The following MYG1 variants were observed in gnomAD, a reference collection of about 807,000 sequenced individuals.
The protein encoded by MYG1 is MYG1 exonuclease, also known as UPF0160 protein MYG1, mitochondrial.
A neutral mutation model predicts 43.5 loss-of-function variants in MYG1; 36 were observed. The ratio of observed to expected loss-of-function variants is 0.83; its 90% CI spans 0.63 to 1.09. The LOEUF (loss-of-function observed/expected upper bound fraction) is 1.09. Ranked by LOEUF, MYG1 falls within the 50% of genes least tolerant of loss-of-function variation. The probability of loss-of-function intolerance (pLI) is 0.00; values close to 1 mark genes in which losing one functional copy is unlikely to be tolerated. For synonymous variants in MYG1, 220 were observed against 202.8 expected (o/e 1.08, Z -0.72); for missense variants, 529 against 495.1 (o/e 1.07, Z -0.65).
At position 53,306,785 on chromosome 12, in the gene MYG1, T is replaced by C; in HGVS notation, c.871T>C (p.Phe291Leu). ...GCTGTCCCCTCCAGTGGCCATCTTCTTTGTTATCTACACTGACCAGGCTGG... is the reference window on the plus strand; with the variant it reads ...GCTGTCCCCTCCAGTGGCCATCTTCCTTGTTATCTACACTGACCAGGCTGG... ...SGLSPPVAIF[F>L]VIYTDQAGQW... The change falls in exon 6 of 7, where the codon TTT (phenylalanine) becomes CTT (leucine). Residue 291 changes from phenylalanine to leucine, a missense_variant. Phe to Leu is a conservative substitution (Grantham distance 22). Coordinates refer to ENST00000267103, the MANE Select transcript of MYG1 (RefSeq NM_021640.4). 1 of 1,613,976 alleles carries C rather than the reference T, an allele frequency of 6.2e-7. No homozygotes were observed. The highest frequency in any genetic ancestry group is 1.1e-5 in the South Asian group (1 of 91,054).
At position 53,299,885 on chromosome 12, in the gene MYG1, C is replaced by T. The variant is rs1471181062; in HGVS notation, c.148C>T (p.His50Tyr). The stretch of plus-strand genomic sequence containing the variant: ...CATGGCACCGCCCCGAATCGGGACG[C>T]ACAATGGCACCTTCCACTGCGACGA... ...KLMAPPRIGTHNGTFHCDEAL... is the reference protein window; with the variant it reads ...KLMAPPRIGTYNGTFHCDEAL... The change falls in exon 1 of 7, where the codon CAC (histidine) becomes TAC (tyrosine). Residue 50 changes from histidine (H) to tyrosine (Y), a missense_variant. Transcript: ENST00000267103. The T allele has an allele frequency of 1.9e-6, 3 of 1,614,112 alleles. No homozygotes were observed. Among genetic ancestry groups the T allele is most frequent in the South Asian group, 1.1e-5 (1 of 91,092 alleles).
intron 5 of MYG1, 134 bp downstream of exon 5, chr12:53,306,454 C>G (rs1944282602): frequency 7.5e-7 from 1 of 1,329,676 alleles, no homozygotes; most frequent in Admixed American, 2.2e-5. Context: ...AGCAGTCCTC[C>G]CACCTCAGCC....
In MYG1 at chr12:53,299,939, C is replaced by CTGCCGGAG. The variant is rs1944212027; in HGVS notation, c.204_211dup (p.Tyr71CysfsTer49). 2.5e-6 allele frequency: 4 copies of CTGCCGGAG among 1,614,104 alleles called. No individual in the cohort carries two copies. Among genetic ancestry groups the CTGCCGGAG allele is most frequent in the Non-Finnish European group, 3.4e-6 (4 of 1,180,056 alleles). ...ACTGGCATGCGCACTGCTTCGCCTC[C>CTGCCGGAG]TGCCGGAGTACCGGGTACGGTCCGC... On this transcript the variant is annotated frameshift_variant, in exon 1 of 7. Transcript: ENST00000267103. LOFTEE classifies it high-confidence loss of function.
intron 3 of MYG1, 118 bp downstream of exon 3, chr12:53,303,311 C>A: frequency 9.1e-7 from 1 of 1,095,758 alleles, no homozygotes; most frequent in Non-Finnish European, 1.3e-6. Flanking sequence ...CTATAGCAGG[C>A]CCAACACTCA....
rs575200646 is a variant in MYG1 at position 53,301,523 on chromosome 12, C to T, written c.329+1261C>T. On this transcript the variant is annotated intron_variant, in intron 2 of 6. Transcript: ENST00000267103. ...AGCCACCCTTCAAAAAACAGCTGAC[C>T]GTGGCTTCACCTGTTCCTTTCCAGT... Among the ~76,000 whole-genome samples the T allele has an allele frequency of 4.6e-5, 7 of 152,226 alleles. No homozygotes were observed. In the South Asian group the frequency reaches 6.2e-4, roughly 14 times the overall value.
chr12:53,301,113 T>G (rs1400201501), intron 2 of MYG1, among the ~76,000 whole-genome samples: 1 of 152,056 alleles, frequency 6.6e-6, no homozygotes, highest in Non-Finnish European at 1.5e-5. Context: ...AGAGACGGGT[T>G]TCACCATATT....
rs1944210719 is a variant in MYG1, at chr12:53,299,883, C to T, written c.146C>T (p.Thr49Met). The change falls in exon 1 of 7, where the codon ACG becomes ATG. Residue 49 changes from threonine (T) to methionine (M), a missense_variant. Thr to Met is a moderately conservative substitution (Grantham distance 81). Coordinates refer to ENST00000267103, the MANE Select transcript of MYG1 (RefSeq NM_021640.4). Reference protein sequence around the residue: ...SKLMAPPRIGTHNGTFHCDEA... With the variant: ...SKLMAPPRIGMHNGTFHCDEA... Reference sequence around the variant, plus strand: ...CTCATGGCACCGCCCCGAATCGGGACGCACAATGGCACCTTCCACTGCGAC... The same window carrying T: ...CTCATGGCACCGCCCCGAATCGGGATGCACAATGGCACCTTCCACTGCGAC... 1.2e-6 allele frequency: 2 copies of T among 1,614,090 alleles called. No individual in the cohort carries two copies. The highest frequency in any genetic ancestry group is 2.2e-5 in the South Asian group (2 of 91,090).
intron 2 of MYG1, 43 bp from the exon 3 acceptor site, chr12:53,302,991 G>A: frequency 1.3e-6 from 2 of 1,541,150 alleles, no homozygotes; most frequent in Non-Finnish European, 8.8e-7. Flanking sequence ...GGAGACTCTA[G>A]CCAAGGTCCC....
At chr12:53,302,794 C>G (rs1944241146) in intron 2 of MYG1, among the ~76,000 whole-genome samples, 1 of 152,130 alleles carries the variant, frequency 6.6e-6, no homozygotes, top group South Asian at 2.1e-4. Flanking sequence ...CCTCTGAACC[C>G]TTTCCTCATC....
At chr12:53,300,119 G>T in intron 1 of MYG1, 31 bp from the exon 2 acceptor site, 1 of 1,565,866 alleles carries the variant, frequency 6.4e-7, no homozygotes, top group South Asian at 1.2e-5. Context: ...GGCGACACCC[G>T]GCAGCCCCTT....
At chr12:53,306,107 T>A in intron 4 of MYG1, 47 bp downstream of exon 4, 1 of 1,607,596 alleles carries the variant, frequency 6.2e-7, no homozygotes, top group Admixed American at 1.7e-5. Context: ...GAACCTTGGG[T>A]GGGGGGAAAA....
Position 53,306,245 on chromosome 12 carries a change from G to A in MYG1, c.690G>A (p.Gln230=). ...ATCTGGTTCAAGAGGAGTTTCTGCA[G>A]AGATTAGATTTCTACCAACACAGCT... The part of the protein sequence containing the change: ...AMDLVQEEFL[Q]RLDFYQHSWL... Residue 230 remains glutamine, a synonymous_variant, in exon 5 of 7, where the codon CAG becomes CAA. Coordinates refer to ENST00000267103, the MANE Select transcript of MYG1 (RefSeq NM_021640.4). The A allele has an allele frequency of 6.8e-6, 11 of 1,614,280 alleles. No homozygotes were observed. The highest frequency in any genetic ancestry group is 9.3e-6 in the Non-Finnish European group (11 of 1,180,048).
Position 53,303,136 on chromosome 12 carries a change from G to GGCCCAGTTGCTGGGCACTAGTGAAGA in MYG1, c.434_459dup (p.Asp154ProfsTer47). On this transcript the variant is annotated frameshift_variant, in exon 3 of 7. Coordinates refer to ENST00000267103, the MANE Select transcript of MYG1 (RefSeq NM_021640.4). LOFTEE classifies it high-confidence loss of function. ...ATCTGCACTTCGGGCACAAGCTGCT[G>GGCCCAGTTGCTGGGCACTAGTGAAGA]GCCCAGTTGCTGGGCACTAGTGAAG... 6.2e-7 allele frequency: 1 copy of GGCCCAGTTGCTGGGCACTAGTGAAGA among 1,614,176 alleles called. No homozygotes were observed. Among genetic ancestry groups the GGCCCAGTTGCTGGGCACTAGTGAAGA allele is most frequent in the Non-Finnish European group, 8.5e-7 (1 of 1,180,040 alleles).
intron 2 of MYG1, among the ~76,000 whole-genome samples, chr12:53,301,572 C>CAGA (rs910783845): frequency 1.3e-5 from 2 of 152,196 alleles, no homozygotes; most frequent in African/African-American, 2.4e-5. Context: ...GCCCACTCTC[C>CAGA]CAGTGTCTTC....
chr12:53,306,929 A>G (rs771670017), intron 6 of MYG1, 37 bp from the exon 7 acceptor site: 76 of 1,607,620 alleles, frequency 4.7e-5, no homozygotes, highest in Non-Finnish European at 6.4e-5. Flanking sequence ...GAAGGCTGCC[A>G]ACTCTGACCC....
chr12:53,306,652 C>T (rs759223252), intron 5 of MYG1, 28 bp from the exon 6 acceptor site: 23 of 1,599,204 alleles, frequency 1.4e-5, no homozygotes, highest in Non-Finnish European at 1.9e-5. Flanking sequence ...CTACCTTAAA[C>T]CTTCTAGCTA....
chr12:53,306,630 A>C, intron 5 of MYG1, 50 bp from the exon 6 acceptor site: 1 of 1,563,150 alleles, frequency 6.4e-7, no homozygotes, highest in Non-Finnish European at 8.7e-7. Context: ...AAACATGATC[A>C]CCATGCCCAG....
At chr12:53,303,630 A>C (rs1944246996) in intron 3 of MYG1, 1 of 160,014 alleles carries the variant, frequency 6.2e-6, no homozygotes, top group African/African-American at 2.4e-5. Context: ...TGGGAAGCTC[A>C]GCTGAGAAGA....
chr12:53,306,022 C>G lies in MYG1; in HGVS notation c.604C>G (p.Leu202Val). Residue 202 changes from leucine (L) to valine (V), a missense_variant, in exon 4 of 7, where the codon CTT becomes GTT. Transcript: ENST00000267103. ...TACCCTGAGTGCACGAGTTGCTCGA[C>G]TTAATCCTACCTGGAACCACCCCGA... ...TTTLSARVAR[L>V]NPTWNHPDQD... 1 of 1,614,044 alleles carries G rather than the reference C, an allele frequency of 6.2e-7. No individual in the cohort carries two copies. Among genetic ancestry groups the G allele is most frequent in the Non-Finnish European group, 8.5e-7 (1 of 1,179,966 alleles).
Sources: allele counts gnomAD v4.1 joint callset (sites outside exome capture counted in the v4.1 genomes callset), GRCh38; gene constraint gnomAD v4.1.1; transcripts MANE v1.5; gene names NCBI Gene and HGNC (gene_info 2026-07-23, HGNC 2026-07-21).